ITPK1: variants seen among roughly 807,000 people sequenced by gnomAD.
ITPK1 encodes the protein inositol 1,3,4-trisphosphate 5/6-kinase.
A neutral mutation model predicts 45.3 loss-of-function variants in ITPK1; 21 were observed. The ratio of observed to expected loss-of-function variants is 0.46; its 90% CI spans 0.33 to 0.67. The LOEUF (loss-of-function observed/expected upper bound fraction) is 0.67, where lower values mean the gene tolerates loss of function less well. Among genes scored for constraint, ITPK1 ranks in the 30% least tolerant of loss-of-function variants. The pLI is 0.02. For missense variants in ITPK1, 474 were observed against 573.5 expected (o/e 0.83, Z 1.77); for synonymous variants, 258 against 253.6 (o/e 1.02, Z -0.16).
intron 10 of ITPK1, among the ~76,000 whole-genome samples, chr14:92,944,906 C>T (rs1241739251): frequency 6.6e-6 from 1 of 152,208 alleles, no homozygotes; most frequent in East Asian, 1.9e-4. Flanking sequence ...ACGGTGGCTG[C>T]TCCCCGACTC....
intron 3 of ITPK1, among the ~76,000 whole-genome samples, chr14:93,028,806 G>A (rs962971251): frequency 3.9e-5 from 6 of 152,304 alleles, no homozygotes; most frequent in Admixed American, 3.9e-4. Context: ...AAGCCTCAGC[G>A]TCCCAGGCAC....
rs927901508 is a variant in ITPK1 at position 93,076,158 on chromosome 14, C to T, written c.120+437G>A. The stretch of plus-strand genomic sequence containing the variant: ...CCCCTCCCTCCAAGATCCTTCCTTC[C>T]CCCTCCATCCATTCTTCCTTCTTCT... On this transcript the variant is annotated intron_variant, in intron 3 of 10. Coordinates refer to ENST00000267615, the MANE Select transcript of ITPK1 (RefSeq NM_014216.6). The surrounding 1 kb of genome is among the most constrained non-coding windows in gnomAD (Gnocchi z 4.3). Among the ~76,000 whole-genome samples the T allele has an allele frequency of 5.9e-5, 9 of 151,820 alleles. No homozygotes were observed. Among genetic ancestry groups the T allele is most frequent in the Non-Finnish European group, 4.4e-5 (3 of 67,962 alleles).
rs567594281 is a variant in ITPK1, at chr14:92,946,249, C to T, written c.901+82G>A. 1.3e-4 allele frequency: 191 copies of T among 1,520,198 alleles called. 2 individuals are homozygous for T. The African/African-American group carries it at 2.4e-3, about 19-fold the overall frequency. 94.2% of individuals were successfully genotyped at this position (1,520,198 alleles called of 1,614,324 possible). A position where few individuals can be genotyped will look rare whatever the true frequency, so the allele number is the denominator to read the frequency against. The stretch of plus-strand genomic sequence containing the variant: ...AGGGAGAAAGCTGGCTTTCTGGCCT[C>T]AGTCACCCCGCCTCACCTGCCTGGT... On this transcript the variant is annotated intron_variant, in intron 10 of 10. Transcript: ENST00000267615.
In ITPK1 at chr14:92,946,406, A is replaced by G; in HGVS notation, c.826T>C (p.Ser276Pro). 1.2e-6 allele frequency: 2 copies of G among 1,613,292 alleles called. No individual in the cohort carries two copies. The highest frequency in any genetic ancestry group is 1.7e-6 in the Non-Finnish European group (2 of 1,179,986). ...ATGATGATGTCGATGCCGAAGAGTG[A>G]CACGCCCAGTGCCTGCCGCAGGGCC... ...SRALRQALGV[S>P]LFGIDIIINN... Residue 276 changes from serine to proline, a missense_variant, in exon 10 of 11, where the codon TCA (serine) becomes CCA (proline). Physicochemically the swap from Ser to Pro is moderately conservative, Grantham distance 74. Around this residue, in one of 2 missense-constraint regions of ITPK1, gnomAD observed 367 missense variants for 480.6 expected, o/e 0.76. Transcript: ENST00000267615.
intron 3 of ITPK1, among the ~76,000 whole-genome samples, chr14:93,054,351 T>C (rs930219848): frequency 4.6e-5 from 7 of 152,152 alleles, no homozygotes; most frequent in African/African-American, 1.7e-4. Flanking sequence ...GAAAACAGCA[T>C]CCAGACAACG....
chr14:93,005,022 C>T (rs1480218056), intron 4 of ITPK1, among the ~76,000 whole-genome samples: 1 of 152,090 alleles, frequency 6.6e-6, no homozygotes, highest in Non-Finnish European at 1.5e-5. Context: ...GGAGACGGAC[C>T]AGCTGAGGAG....
intron 3 of ITPK1, among the ~76,000 whole-genome samples, chr14:93,059,275 G>A (rs544379908): frequency 4.0e-5 from 3 of 74,208 alleles, no homozygotes. Flanking sequence ...TCATGAGGCA[G>A]GGGTGGAGGG....
rs71430781 is a variant in ITPK1 at position 93,016,477 on chromosome 14, C to T, written c.246+199G>A. Among the ~76,000 whole-genome samples the T allele has an allele frequency of 0.017, 2,594 of 152,298 alleles. 29 individuals carry two copies. The highest frequency in any genetic ancestry group is 0.04 in the South Asian group (195 of 4,828). On this transcript the variant is annotated intron_variant, in intron 4 of 10. Coordinates refer to ENST00000267615, the MANE Select transcript of ITPK1 (RefSeq NM_014216.6). The surrounding 1 kb of genome is among the most constrained non-coding windows in gnomAD (Gnocchi z 5.0). ...CGGCCCAACCATGCCCTGGTTCAGT[C>T]CCCACGCTACACCCGAGGACACTGA...
At chr14:93,001,149 C>T (rs890447345) in intron 4 of ITPK1, among the ~76,000 whole-genome samples, 6 of 151,104 alleles carry the variant, frequency 4.0e-5, no homozygotes, top group African/African-American at 1.5e-4. Context: ...AAAAATTAGC[C>T]GGGCATGGTG....
chr14:93,082,473 T>A (rs1335255568), intron 2 of ITPK1, among the ~76,000 whole-genome samples: 1 of 152,158 alleles, frequency 6.6e-6, no homozygotes, highest in African/African-American at 2.4e-5. Flanking sequence ...TGTTTTCTTA[T>A]CTGTAAAATG....
At chr14:92,944,072 C>T (rs1454303579) in intron 10 of ITPK1, among the ~76,000 whole-genome samples, 2 of 152,210 alleles carry the variant, frequency 1.3e-5, no homozygotes, top group Non-Finnish European at 2.9e-5. Flanking sequence ...AGTGAGGCGT[C>T]GGGGCAGGCC....
chr14:93,007,414 T>C (rs1379100151), intron 4 of ITPK1, among the ~76,000 whole-genome samples: 2 of 123,166 alleles, frequency 1.6e-5, no homozygotes. Context: ...AGCCAATGCC[T>C]CCTGGCAGCC....
At chr14:92,948,405 G>A (rs1017433290) in intron 9 of ITPK1, among the ~76,000 whole-genome samples, 1 of 152,222 alleles carries the variant, frequency 6.6e-6, no homozygotes, top group Non-Finnish European at 1.5e-5. Context: ...CCAGGCTGGA[G>A]TGTAGTGGTG....
Position 93,038,300 on chromosome 14 carries a change from AC to A in ITPK1, c.121-21500del, listed in dbSNP as rs565274385. Among the ~76,000 whole-genome samples, 671 of 151,766 alleles carry A rather than the reference AC, an allele frequency of 4.4e-3. 1 individual carries two copies. Among genetic ancestry groups the A allele is most frequent in the Middle Eastern group, 0.014 (4 of 292 alleles). On this transcript the variant is annotated intron_variant, in intron 3 of 10. Coordinates refer to ENST00000267615, the MANE Select transcript of ITPK1 (RefSeq NM_014216.6). ...TCTGCCCACCTCAGCCTCCCAAAGT[AC>A]TGGGATTATAGGTGTGAGCCACCAC... is the stretch of plus-strand genomic sequence containing the variant.
At chr14:93,103,398 A>G (rs560441768) in intron 2 of ITPK1, among the ~76,000 whole-genome samples, 87 of 152,222 alleles carry the variant, frequency 5.7e-4, no homozygotes, top group African/African-American at 2.0e-3. Flanking sequence ...TGGGCAATAG[A>G]GCAAGACTCC....
intron 2 of ITPK1, among the ~76,000 whole-genome samples, chr14:93,102,371 G>A (rs896119584): frequency 6.6e-6 from 1 of 152,254 alleles, no homozygotes; most frequent in East Asian, 1.9e-4. Context: ...CCAATGCCGC[G>A]GGACACACCT....
chr14:93,115,287 G>T lies in ITPK1; in HGVS notation c.-124C>A. On this transcript the variant is annotated 5_prime_UTR_variant, in exon 2 of 11. Coordinates refer to ENST00000267615, the MANE Select transcript of ITPK1 (RefSeq NM_014216.6). ...GCGGCGGGGACGCGGAACGGGGATC[G>T]GAGCTGGGGCGCGCAGTCCTGCCGC... The T allele has an allele frequency of 1.8e-6, 1 of 553,424 alleles. No homozygotes were observed. Among genetic ancestry groups the T allele is most frequent in the Non-Finnish European group, 3.1e-6 (1 of 325,762 alleles). 34.3% of individuals were successfully genotyped at this position (553,424 alleles called of 1,614,324 possible).
At chr14:92,959,071 G>A (rs1327310436) in intron 7 of ITPK1, among the ~76,000 whole-genome samples, 1 of 152,208 alleles carries the variant, frequency 6.6e-6, no homozygotes, top group Non-Finnish European at 1.5e-5. Context: ...AGGCCTTTGT[G>A]CTCCTGGTCC....
chr14:92,989,628 G>A (rs1763112334), intron 5 of ITPK1, among the ~76,000 whole-genome samples: 1 of 152,158 alleles, frequency 6.6e-6, no homozygotes, highest in African/African-American at 2.4e-5. Context: ...GTGGGCTGCT[G>A]ATGGGAGAAA....
Sources: allele counts gnomAD v4.1 joint callset (sites outside exome capture counted in the v4.1 genomes callset), GRCh38; gene constraint gnomAD v4.1.1; regional missense constraint gnomAD v4.1.1; non-coding constraint Gnocchi (gnomAD v3.1); transcripts MANE v1.5; gene names NCBI Gene and HGNC (gene_info 2026-07-23, HGNC 2026-07-21).